RCAN2: variants seen among roughly 807,000 people sequenced by gnomAD.
The protein encoded by RCAN2 is calcipressin-2.
A neutral mutation model predicts 23.6 loss-of-function variants in RCAN2; 9 were observed. The observed-to-expected ratio is 0.38, with a 90% CI of 0.23 to 0.67. The LOEUF (loss-of-function observed/expected upper bound fraction) is 0.67. RCAN2 is among the 30% of genes least tolerant of loss of function. The pLI, the probability that RCAN2 is intolerant of heterozygous loss-of-function variation, is 0.51. For synonymous variants in RCAN2, 109 were observed against 115.7 expected (o/e 0.94, Z 0.37); for missense variants, 273 against 302.3 (o/e 0.90, Z 0.72).
chr6:46,282,709 A>G (rs1264433798), intron 2 of RCAN2, among the ~76,000 whole-genome samples: 1 of 152,150 alleles, frequency 6.6e-6, no homozygotes, highest in Non-Finnish European at 1.5e-5. Flanking sequence ...CCCATAAGTA[A>G]TCTTATACTT....
chr6:46,386,275 C>A (rs1462966082), intron 2 of RCAN2, among the ~76,000 whole-genome samples: 2 of 151,990 alleles, frequency 1.3e-5, no homozygotes, highest in Non-Finnish European at 2.9e-5. Context: ...AAAAGCTCAA[C>A]ATCACTGATC....
intron 2 of RCAN2, among the ~76,000 whole-genome samples, chr6:46,316,095 C>T (rs1463958512): frequency 6.6e-6 from 1 of 152,062 alleles, no homozygotes; most frequent in Non-Finnish European, 1.5e-5. Context: ...ACTGCTGCCC[C>T]TGTGCAAAGA....
At chr6:46,478,627 G>A (rs1176390348) in intron 1 of RCAN2, among the ~76,000 whole-genome samples, 2 of 152,000 alleles carry the variant, frequency 1.3e-5, no homozygotes, top group Non-Finnish European at 2.9e-5. Context: ...CTCCGATCTA[G>A]TGCTCCAAAG....
At chr6:46,452,730 T>C (rs978868917) in intron 2 of RCAN2, among the ~76,000 whole-genome samples, 1 of 152,180 alleles carries the variant, frequency 6.6e-6, no homozygotes, top group Non-Finnish European at 1.5e-5. Flanking sequence ...ATAAAGCACC[T>C]GGAAAAGGAC....
At chr6:46,299,856 C>T (rs940478088) in intron 2 of RCAN2, among the ~76,000 whole-genome samples, 6 of 151,748 alleles carry the variant, frequency 4.0e-5, no homozygotes, top group African/African-American at 1.5e-4. Flanking sequence ...ATTATAATTG[C>T]AAATACCATT....
At chr6:46,379,588 C>G (rs1016749808) in intron 2 of RCAN2, among the ~76,000 whole-genome samples, 9 of 152,102 alleles carry the variant, frequency 5.9e-5, no homozygotes, top group African/African-American at 9.7e-5. Context: ...TGCAATAGCT[C>G]TAAAAACCAT....
At chr6:46,338,390 T>C (rs1764206008) in intron 2 of RCAN2, among the ~76,000 whole-genome samples, 1 of 152,150 alleles carries the variant, frequency 6.6e-6, no homozygotes, top group South Asian at 2.1e-4. Flanking sequence ...GAGTCAAAAG[T>C]TCGGGTGTGG....
At position 46,319,763 on chromosome 6, in the gene RCAN2, T is replaced by C. The variant is rs143307014; in HGVS notation, c.226-70867A>G. Reference sequence around the variant, plus strand: ...GATCATTAATTTTAACTTTCAGTTTTGCATTAATTCATTTATTTCCAAAAT... The same window carrying C: ...GATCATTAATTTTAACTTTCAGTTTCGCATTAATTCATTTATTTCCAAAAT... On this transcript the variant is annotated intron_variant, in intron 2 of 4. Transcript: ENST00000371374. 4.9e-3 allele frequency among the ~76,000 whole-genome samples: 753 copies of C among 152,332 alleles called. 6 individuals carry two copies. The highest frequency in any genetic ancestry group is 0.017 in the African/African-American group (699 of 41,588).
intron 2 of RCAN2, among the ~76,000 whole-genome samples, chr6:46,405,751 C>T (rs1307655054): frequency 3.3e-5 from 5 of 152,206 alleles, no homozygotes; most frequent in African/African-American, 7.2e-5. Context: ...CTGCCAGTCC[C>T]GCACCGTGCG....
At chr6:46,249,453 G>C (rs1766636301) in intron 2 of RCAN2, among the ~76,000 whole-genome samples, 1 of 151,490 alleles carries the variant, frequency 6.6e-6, no homozygotes, top group African/African-American at 2.4e-5. Context: ...TGAGTAGCTG[G>C]GATTACAGGC....
intron 4 of RCAN2, among the ~76,000 whole-genome samples, chr6:46,242,091 C>T (rs144042649): frequency 1.0e-3 from 154 of 152,306 alleles, no homozygotes; most frequent in African/African-American, 3.5e-3. Flanking sequence ...TTGAATATAA[C>T]GTGGCCCTCG....
chr6:46,446,821 A>C (rs1343810028), intron 2 of RCAN2, among the ~76,000 whole-genome samples: 6 of 152,130 alleles, frequency 3.9e-5, no homozygotes, highest in Non-Finnish European at 7.4e-5. Flanking sequence ...AAAGCAAAAC[A>C]CTTTAGTTGA....
chr6:46,388,131 A>G (rs1458859022), intron 2 of RCAN2, among the ~76,000 whole-genome samples: 1 of 152,132 alleles, frequency 6.6e-6, no homozygotes, highest in African/African-American at 2.4e-5. Context: ...GAGGGAAAGC[A>G]TTAGGAGATA....
At chr6:46,234,177 A>C (rs1468179415) in intron 4 of RCAN2, among the ~76,000 whole-genome samples, 1 of 152,138 alleles carries the variant, frequency 6.6e-6, no homozygotes, top group African/African-American at 2.4e-5. Flanking sequence ...ACATCAACTT[A>C]ATACCATCAG....
chr6:46,478,699 C>A (rs989059735), intron 1 of RCAN2, among the ~76,000 whole-genome samples: 28 of 152,226 alleles, frequency 1.8e-4, no homozygotes, highest in Non-Finnish European at 1.5e-5. Flanking sequence ...CTGTCAGATA[C>A]TACCTCCTCT....
chr6:46,275,244 T>C (rs2150335313), intron 2 of RCAN2, among the ~76,000 whole-genome samples: 1 of 152,260 alleles, frequency 6.6e-6, no homozygotes, highest in South Asian at 2.1e-4. Flanking sequence ...TGGTCTGAAT[T>C]GACTGAGAAA....
chr6:46,420,240 A>G (rs1483682844), intron 2 of RCAN2, among the ~76,000 whole-genome samples: 1 of 152,154 alleles, frequency 6.6e-6, no homozygotes, highest in African/African-American at 2.4e-5. Flanking sequence ...TCGTATCACT[A>G]AAATCCATGC....
rs570224949 is a variant in RCAN2 at position 46,435,513 on chromosome 6, T to C, written c.225+21239A>G. Among the ~76,000 whole-genome samples the C allele has an allele frequency of 7.4e-4, 112 of 152,258 alleles. 1 individual carries two copies. The highest frequency in any genetic ancestry group is 1.9e-3 in the Admixed American group (29 of 15,284). Reference sequence around the variant, plus strand: ...ATTTACCTTCTCTTTCCCATGCAAATGTTAATTCCTTCTAAAGTAATTGGA... The same window carrying C: ...ATTTACCTTCTCTTTCCCATGCAAACGTTAATTCCTTCTAAAGTAATTGGA... On this transcript the variant is annotated intron_variant, in intron 2 of 4. Coordinates refer to ENST00000371374, the MANE Select transcript of RCAN2 (RefSeq NM_001251974.2).
intron 2 of RCAN2, among the ~76,000 whole-genome samples, chr6:46,316,287 A>G (rs73735749): frequency 2.5e-3 from 384 of 152,320 alleles, no homozygotes; most frequent in African/African-American, 8.7e-3. Flanking sequence ...AGTGTTTTAC[A>G]TACTCTAATG....
Sources: allele counts gnomAD v4.1 joint callset (sites outside exome capture counted in the v4.1 genomes callset), GRCh38; gene constraint gnomAD v4.1.1; transcripts MANE v1.5; gene names NCBI Gene and HGNC (gene_info 2026-07-23, HGNC 2026-07-21).